Variants in NFE2L3 observed in about 807,000 individuals in gnomAD.
NFE2L3 encodes the protein NFE2 like bZIP transcription factor 3.
A neutral mutation model predicts 23.5 loss-of-function variants in NFE2L3; 18 were observed. The observed-to-expected ratio is 0.77, with a 90% CI of 0.53 to 1.13. NFE2L3 has a LOEUF of 1.13. Among genes scored for constraint, NFE2L3 ranks in the 50% most tolerant of loss-of-function variants. The probability of loss-of-function intolerance (pLI) is 0.00; values close to 1 mark genes in which losing one functional copy is unlikely to be tolerated. For synonymous variants in NFE2L3, 424 were observed against 354.5 expected (o/e 1.20, Z -2.20); for missense variants, 1,152 against 877.2 (o/e 1.31, Z -3.96).
intron 1 of NFE2L3, among the ~76,000 whole-genome samples, chr7:26,176,799 T>A (rs111436148): frequency 3.3e-4 from 23 of 69,580 alleles, no homozygotes; most frequent in Middle Eastern, 0.011. Context: ...CGCTCCTCAC[T>A]TCCCAGACGG....
rs202188004 is a variant in NFE2L3 at position 26,185,474 on chromosome 7, G to A, written c.1776G>A (p.Ala592=). 9.1e-5 allele frequency: 147 copies of A among 1,613,970 alleles called. No homozygotes were observed. Among genetic ancestry groups the A allele is most frequent in the Middle Eastern group, 3.3e-4 (2 of 6,058 alleles). Residue 592 remains alanine (A), a synonymous_variant, in exon 4 of 4, where the codon GCG becomes GCA. Transcript: ENST00000056233. ...IRRRGKNKVA[A]QNCRKRKLDI... is the part of the protein sequence containing the mutation. ...GAAGAGGGAAAAATAAAGTTGCTGCGCAGAACTGTCGTAAACGCAAATTGG... is the reference window on the plus strand; with the variant it reads ...GAAGAGGGAAAAATAAAGTTGCTGCACAGAACTGTCGTAAACGCAAATTGG...
At chr7:26,179,767 G>A (rs369078204) in intron 2 of NFE2L3, among the ~76,000 whole-genome samples, 2 of 152,184 alleles carry the variant, frequency 1.3e-5, no homozygotes, top group African/African-American at 4.8e-5. Flanking sequence ...CCTCAGTTTT[G>A]TGTGGCCTGC....
rs148038728 is a variant in NFE2L3, at chr7:26,182,214, T to G, written c.751-1487T>G. On this transcript the variant is annotated intron_variant, in intron 2 of 3. Transcript: ENST00000056233. ...TGAGATAGAAAAGTTTCATTATAAA[T>G]AACACTGAGAGCAAACTTACCAGTA... is the stretch of plus-strand genomic sequence containing the variant. 5.8e-3 allele frequency among the ~76,000 whole-genome samples: 877 copies of G among 152,096 alleles called. 10 individuals are homozygous for G. The highest frequency in any genetic ancestry group is 0.02 in the African/African-American group (847 of 41,358).
chr7:26,163,349 CT>C (rs1289470732), intron 1 of NFE2L3, among the ~76,000 whole-genome samples: 1 of 152,190 alleles, frequency 6.6e-6, no homozygotes, highest in Admixed American at 6.5e-5. Flanking sequence ...CCCAAGGATT[CT>C]TTTTTGTTTT....
rs1418868441 is a variant in NFE2L3 at position 26,177,975 on chromosome 7, T to C, written c.603T>C (p.Ala201=). The change falls in exon 2 of 4, where the codon GCT becomes GCC. Residue 201 remains alanine, a synonymous_variant. Transcript: ENST00000056233. The part of the protein sequence containing the change: ...ENGVLREKHE[A]VDHSSQHEEN... Reference sequence around the variant, plus strand: ...GGGTACTAAGAGAAAAGCACGAAGCTGTGGATCATAGTTCCCAGCATGAGG... The same window carrying C: ...GGGTACTAAGAGAAAAGCACGAAGCCGTGGATCATAGTTCCCAGCATGAGG... 7 of 1,613,958 alleles carry C rather than the reference T, an allele frequency of 4.3e-6. No individual in the cohort carries two copies. In the South Asian group the frequency reaches 7.7e-5, roughly 18 times the overall value.
At chr7:26,161,047 C>T (rs760415956) in intron 1 of NFE2L3, among the ~76,000 whole-genome samples, 2 of 152,206 alleles carry the variant, frequency 1.3e-5, no homozygotes, top group Non-Finnish European at 2.9e-5. Flanking sequence ...CTCCAGGACA[C>T]CCCTTGTCTT....
At chr7:26,164,590 TCCC>T (rs1038156472) in intron 1 of NFE2L3, among the ~76,000 whole-genome samples, 12 of 152,236 alleles carry the variant, frequency 7.9e-5, no homozygotes, top group Non-Finnish European at 7.3e-5. Context: ...GCAAAAATTT[TCCC>T]CCATTCTGTA....
chr7:26,152,974 C>T lies in NFE2L3; in HGVS notation c.476C>T (p.Ala159Val), dbSNP rs1047779260. The T allele has an allele frequency of 7.4e-6, 11 of 1,496,560 alleles. No homozygotes were observed. In the African/African-American group the frequency reaches 1.2e-4, roughly 16 times the overall value. 92.7% of individuals were successfully genotyped at this position (1,496,560 alleles called of 1,614,324 possible). The change falls in exon 1 of 4, where the codon GCG (alanine) becomes GTG (valine). Residue 159 changes from alanine to valine, a missense_variant. Coordinates refer to ENST00000056233, the MANE Select transcript of NFE2L3 (RefSeq NM_004289.7). The surrounding 1 kb of genome is among the most constrained non-coding windows in gnomAD (Gnocchi z 4.4). ...CAGGGGGGCGGCGGGGACCCCCGAGCGGCTCGGAGTGGCCCCTTGGACGCC... is the reference window on the plus strand; with the variant it reads ...CAGGGGGGCGGCGGGGACCCCCGAGTGGCTCGGAGTGGCCCCTTGGACGCC... ...AVQGGGGDPRAARSGPLDAGE... is the reference protein window; with the variant it reads ...AVQGGGGDPRVARSGPLDAGE...
chr7:26,166,397 C>T (rs982040776), intron 1 of NFE2L3, among the ~76,000 whole-genome samples: 1 of 152,186 alleles, frequency 6.6e-6, no homozygotes, highest in African/African-American at 2.4e-5. Context: ...CCAGCCAGCA[C>T]AGGAGCCCTA....
At chr7:26,161,703 C>T (rs1174926256) in intron 1 of NFE2L3, among the ~76,000 whole-genome samples, 1 of 151,998 alleles carries the variant, frequency 6.6e-6, no homozygotes, top group African/African-American at 2.4e-5. Flanking sequence ...AAAGTCAAAG[C>T]CCAATTTCCC....
At chr7:26,175,830 A>T in intron 1 of NFE2L3, among the ~76,000 whole-genome samples, 1 of 146,178 alleles carries the variant, frequency 6.8e-6, no homozygotes, top group Admixed American at 6.8e-5. Context: ...GCTTCCAATT[A>T]GCTGTTTGAT....
chr7:26,181,196 C>G (rs1326974529), intron 2 of NFE2L3, among the ~76,000 whole-genome samples: 1 of 152,126 alleles, frequency 6.6e-6, no homozygotes, highest in Non-Finnish European at 1.5e-5. Flanking sequence ...AGGCTGGTCT[C>G]AAATTCCTGG....
intron 1 of NFE2L3, among the ~76,000 whole-genome samples, chr7:26,159,045 T>C (rs1454338570): frequency 6.6e-6 from 1 of 152,176 alleles, no homozygotes; most frequent in African/African-American, 2.4e-5. Context: ...AGGTGCAGGT[T>C]TCCAAAGCAC....
At chr7:26,172,804 G>A (rs1784345954) in intron 1 of NFE2L3, among the ~76,000 whole-genome samples, 1 of 152,192 alleles carries the variant, frequency 6.6e-6, no homozygotes, top group African/African-American at 2.4e-5. Context: ...TGATGATAGA[G>A]TTGACCATTT....
rs563284315 is a variant in NFE2L3, at chr7:26,153,740, T to G, written c.570+672T>G. Among the ~76,000 whole-genome samples, 7 of 152,320 alleles carry G rather than the reference T, an allele frequency of 4.6e-5. No homozygotes were observed. In the East Asian group the frequency reaches 1.4e-3, roughly 29 times the overall value. Reference sequence around the variant, plus strand: ...TAGTGACTAACAAGTTCCCTTTGGTTTATGGGTCCAAACCCTTCTCTGGCT... The same window carrying G: ...TAGTGACTAACAAGTTCCCTTTGGTGTATGGGTCCAAACCCTTCTCTGGCT... On this transcript the variant is annotated intron_variant, in intron 1 of 3. Coordinates refer to ENST00000056233, the MANE Select transcript of NFE2L3 (RefSeq NM_004289.7).
intron 2 of NFE2L3, among the ~76,000 whole-genome samples, chr7:26,179,620 C>A (rs531398790): frequency 6.6e-6 from 1 of 152,004 alleles, no homozygotes; most frequent in Non-Finnish European, 1.5e-5. Context: ...GTGGGAGGAT[C>A]ACTTGAGCCT....
At chr7:26,167,447 A>C (rs1405867035) in intron 1 of NFE2L3, among the ~76,000 whole-genome samples, 1 of 152,030 alleles carries the variant, frequency 6.6e-6, no homozygotes, top group Non-Finnish European at 1.5e-5. Context: ...GTTCTGTACA[A>C]GTCAGTAGGT....
In NFE2L3 at chr7:26,168,092, C is replaced by T. The variant is rs141071307; in HGVS notation, c.571-9851C>T. ...ATCCCTCACCCCCCTCTCTCCCTTC[C>T]TGCCTCCCCCCAAGTCCTTGAAATC... On this transcript the variant is annotated intron_variant, in intron 1 of 3. Transcript: ENST00000056233. Among the ~76,000 whole-genome samples, 566 of 146,376 alleles carry T rather than the reference C, an allele frequency of 3.9e-3. 6 individuals carry two copies. Among genetic ancestry groups the T allele is most frequent in the African/African-American group, 0.014 (549 of 40,204 alleles).
intron 1 of NFE2L3, among the ~76,000 whole-genome samples, chr7:26,167,442 G>T (rs1021209031): frequency 2.0e-5 from 3 of 152,090 alleles, no homozygotes; most frequent in African/African-American, 7.2e-5. Context: ...TGCCAGTTCT[G>T]TACAAGTCAG....
Sources: allele counts gnomAD v4.1 joint callset (sites outside exome capture counted in the v4.1 genomes callset), GRCh38; gene constraint gnomAD v4.1.1; non-coding constraint Gnocchi (gnomAD v3.1); transcripts MANE v1.5; gene names NCBI Gene and HGNC (gene_info 2026-07-23, HGNC 2026-07-21).